The following LAPTM4B variants were observed in gnomAD, a reference collection of about 807,000 sequenced individuals.
The protein encoded by LAPTM4B is lysosomal-associated transmembrane protein 4B.
A neutral mutation model predicts 28.5 loss-of-function variants in LAPTM4B; 26 were observed. That is an observed-to-expected ratio of 0.91 (90% CI 0.67 to 1.27). LAPTM4B has a LOEUF of 1.27. Among genes scored for constraint, LAPTM4B ranks in the 50% most tolerant of loss-of-function variants. The pLI is 0.00. For synonymous variants in LAPTM4B, 109 were observed against 106.4 expected, an observed-to-expected ratio of 1.02 and a Z score of -0.15; for missense variants, 288 against 285.8, an observed-to-expected ratio of 1.01 and a Z score of -0.06.
chr8:97,838,614 C>T (rs1433905656), intron 6 of LAPTM4B, among the ~76,000 whole-genome samples: 3 of 152,210 alleles, frequency 2.0e-5, no homozygotes, highest in Admixed American at 2.0e-4. Context: ...TGGCTGCAGG[C>T]TGTTCTGACC....
Position 97,852,703 on chromosome 8 carries a change from GGGGGGGGAGGTCGGGT to G in LAPTM4B, c.*1238_*1253del. On this transcript the variant is annotated 3_prime_UTR_variant, in exon 7 of 7. Coordinates refer to ENST00000521545, the MANE Select transcript of LAPTM4B (RefSeq NM_018407.6). ...AGCCTAAGGAGTAGGCTTTTTTTTG[GGGGGGGGAGGTCGGGT>G]GGGGGGGATTTTTAATCTTTTAATT... is the stretch of plus-strand genomic sequence containing the variant. 8.9e-6 allele frequency: 1 copy of G among 112,696 alleles called. No individual in the cohort carries two copies. Among genetic ancestry groups the G allele is most frequent in the South Asian group, 1.7e-4 (1 of 5,894 alleles). 7.0% of individuals were successfully genotyped at this position (112,696 alleles called of 1,614,324 possible). A position where few individuals can be genotyped will look rare whatever the true frequency, so the allele number is the denominator to read the frequency against.
At chr8:97,786,237 A>C (rs1350722094) in intron 1 of LAPTM4B, among the ~76,000 whole-genome samples, 1 of 152,188 alleles carries the variant, frequency 6.6e-6, no homozygotes, top group Non-Finnish European at 1.5e-5. Flanking sequence ...AGTAAAAAGC[A>C]AACAAAGACC....
chr8:97,812,222 T>C, intron 2 of LAPTM4B, among the ~76,000 whole-genome samples: 1 of 42,944 alleles, frequency 2.3e-5, no homozygotes, highest in African/African-American at 3.3e-5. Context: ...TTTTTGTTGT[T>C]TTTTGTTTTT....
At chr8:97,834,661 CA>C (rs1229574598) in intron 6 of LAPTM4B, among the ~76,000 whole-genome samples, 2 of 152,104 alleles carry the variant, frequency 1.3e-5, no homozygotes, top group Admixed American at 1.3e-4. Context: ...CAAACTTAAG[CA>C]ATCCTCCTGC....
Position 97,806,287 on chromosome 8 carries a change from A to C in LAPTM4B, c.211+823A>C, listed in dbSNP as rs138330440. Among the ~76,000 whole-genome samples, 22 of 152,310 alleles carry C rather than the reference A, an allele frequency of 1.4e-4. No individual in the cohort carries two copies. In the East Asian group the frequency reaches 4.1e-3, roughly 28 times the overall value. The stretch of plus-strand genomic sequence containing the variant: ...TTTAAGATCCCTTTTGCTGCTGAGT[A>C]GGGTACTGGGTGTGTGAGCACAGAG... On this transcript the variant is annotated intron_variant, in intron 2 of 6. Coordinates refer to ENST00000521545, the MANE Select transcript of LAPTM4B (RefSeq NM_018407.6).
intron 6 of LAPTM4B, among the ~76,000 whole-genome samples, chr8:97,842,439 T>G (rs780077090): frequency 1.2e-4 from 18 of 152,298 alleles, no homozygotes; most frequent in South Asian, 2.1e-4. Flanking sequence ...GCTTTTGGCT[T>G]GGATAGATCT....
At chr8:97,839,501 T>C (rs537573041) in intron 6 of LAPTM4B, among the ~76,000 whole-genome samples, 1 of 152,236 alleles carries the variant, frequency 6.6e-6, no homozygotes, top group South Asian at 2.1e-4. Flanking sequence ...CCACCAACAA[T>C]AAAATTTTAA....
chr8:97,844,097 G>C (rs183122047), intron 6 of LAPTM4B, among the ~76,000 whole-genome samples: 58 of 134,632 alleles, frequency 4.3e-4, no homozygotes, highest in Middle Eastern at 4.5e-3. Context: ...TTTGGGGGTG[G>C]GGGGAGCAGG....
At chr8:97,814,304 G>A (rs1300871669) in intron 2 of LAPTM4B, among the ~76,000 whole-genome samples, 2 of 152,182 alleles carry the variant, frequency 1.3e-5, no homozygotes, top group Admixed American at 1.3e-4. Context: ...GAAGTCAGGA[G>A]TTCGAGACCA....
chr8:97,850,476 G>GTGTTTGTGTGTGTGTGTGTA lies in LAPTM4B; in HGVS notation c.604-918_604-917insTTGTGTGTGTGTGTGTATGT, dbSNP rs1554594411. 1.0e-4 allele frequency among the ~76,000 whole-genome samples: 15 copies of GTGTTTGTGTGTGTGTGTGTA among 147,672 alleles called. No individual in the cohort carries two copies. The East Asian group carries it at 1.2e-3, about 12-fold the overall frequency. On this transcript the variant is annotated intron_variant, in intron 6 of 6. Coordinates refer to ENST00000521545, the MANE Select transcript of LAPTM4B (RefSeq NM_018407.6). ...AGCTGGAGAGGAGGGGTGTGTGTGTGTGTGTGTGTGTGTTTGGGAGAGTGC... is the reference window on the plus strand; with the variant it reads ...AGCTGGAGAGGAGGGGTGTGTGTGTGTGTTTGTGTGTGTGTGTGTATGTGTGTGTGTGTTTGGGAGAGTGC...
At chr8:97,841,096 A>G (rs60517393) in intron 6 of LAPTM4B, among the ~76,000 whole-genome samples, 1 of 48,406 alleles carries the variant, frequency 2.1e-5, no homozygotes, top group African/African-American at 1.1e-4. Flanking sequence ...TGCTCCTCAC[A>G]TCCCAGATGG....
chr8:97,790,826 G>C (rs1464231420), intron 1 of LAPTM4B, among the ~76,000 whole-genome samples: 1 of 151,932 alleles, frequency 6.6e-6, no homozygotes, highest in Non-Finnish European at 1.5e-5. Context: ...CGCAACTTTC[G>C]CCTCCTGGGT....
At chr8:97,818,584 T>G (rs995937392) in intron 4 of LAPTM4B, among the ~76,000 whole-genome samples, 1 of 152,208 alleles carries the variant, frequency 6.6e-6, no homozygotes, top group Non-Finnish European at 1.5e-5. Context: ...CTGGAAGTAC[T>G]TGCTAGTATA....
rs1321343175 is a variant in LAPTM4B at position 97,792,656 on chromosome 8, T to C, written c.100-12697T>C. On this transcript the variant is annotated intron_variant, in intron 1 of 6. Transcript: ENST00000521545. Reference sequence around the variant, plus strand: ...TTGCAGTGGCACGATCTCGGCTCACTGCAACCTCTGCCTCCCAGGTCCAAG... The same window carrying C: ...TTGCAGTGGCACGATCTCGGCTCACCGCAACCTCTGCCTCCCAGGTCCAAG... Among the ~76,000 whole-genome samples the C allele has an allele frequency of 2.6e-5, 4 of 152,270 alleles. No individual in the cohort carries two copies. In the East Asian group the frequency reaches 7.7e-4, roughly 29 times the overall value.
At position 97,819,200 on chromosome 8, in the gene LAPTM4B, A is replaced by G. The variant is rs747068834; in HGVS notation, c.469A>G (p.Ile157Val). The G allele has an allele frequency of 1.9e-6, 3 of 1,607,950 alleles. No homozygotes were observed. Among genetic ancestry groups the G allele is most frequent in the Non-Finnish European group, 2.6e-6 (3 of 1,175,688 alleles). The change falls in exon 5 of 7, where the codon ATT (isoleucine) becomes GTT (valine). Residue 157 changes from isoleucine (I) to valine (V), a missense_variant. Transcript: ENST00000521545. ...MSVNPTCLVL[I>V]ILLFISIILT... ...AGTGAATCCTACCTGTTTGGTCCTT[A>G]TTATTCTTCTGTTTATTAGCATTAT...
chr8:97,834,056 G>A (rs1032395931), intron 6 of LAPTM4B, among the ~76,000 whole-genome samples: 3 of 151,310 alleles, frequency 2.0e-5, no homozygotes, highest in African/African-American at 7.3e-5. Context: ...AGTGGCTCAC[G>A]CCTGTAATTC....
intron 1 of LAPTM4B, among the ~76,000 whole-genome samples, chr8:97,797,127 T>G (rs1480144805): frequency 8.7e-6 from 1 of 115,360 alleles, no homozygotes; most frequent in Non-Finnish European, 1.8e-5. Flanking sequence ...ATAATAAAAT[T>G]GGAATTACAA....
rs147683216 is a variant in LAPTM4B at position 97,811,953 on chromosome 8, G to A, written c.212-3375G>A. ...CCTGAGTAGCTGGGACCATAGGTGC[G>A]TACCACCATGCCTGGCTAATTTTTG... On this transcript the variant is annotated intron_variant, in intron 2 of 6. Coordinates refer to ENST00000521545, the MANE Select transcript of LAPTM4B (RefSeq NM_018407.6). Among the ~76,000 whole-genome samples the A allele has an allele frequency of 6.1e-3, 924 of 151,930 alleles. 8 individuals are homozygous for A. Among genetic ancestry groups the A allele is most frequent in the African/African-American group, 0.021 (869 of 41,428 alleles).
chr8:97,811,303 C>T (rs1178833193), intron 2 of LAPTM4B, among the ~76,000 whole-genome samples: 1 of 152,130 alleles, frequency 6.6e-6, no homozygotes, highest in Non-Finnish European at 1.5e-5. Flanking sequence ...CCTAGGGAAA[C>T]AGGTGCTTCA....
Sources: allele counts gnomAD v4.1 joint callset (sites outside exome capture counted in the v4.1 genomes callset), GRCh38; gene constraint gnomAD v4.1.1; transcripts MANE v1.5; gene names NCBI Gene and HGNC (gene_info 2026-07-23, HGNC 2026-07-21).